Variants in SOX6 observed in about 807,000 individuals in gnomAD.
The protein encoded by SOX6 is transcription factor SOX-6.
A neutral mutation model predicts 97.8 loss-of-function variants in SOX6; 11 were observed. The observed-to-expected ratio is 0.11, with a 90% CI of 0.07 to 0.19. SOX6 has a LOEUF of 0.19. Among genes scored for constraint, SOX6 ranks in the 10% least tolerant of loss-of-function variants. SOX6 has a pLI of 1.00. For synonymous variants in SOX6, 360 were observed against 371.4 expected, an observed-to-expected ratio of 0.97 and a Z score of 0.35; for missense variants, 810 against 1,039.5, an observed-to-expected ratio of 0.78 and a Z score of 3.04.
chr11:16,044,720 GC>G (rs1338543227), intron 12 of SOX6, among the ~76,000 whole-genome samples: 2 of 152,122 alleles, frequency 1.3e-5, no homozygotes, highest in East Asian at 3.9e-4. Context: ...GTAACATTAT[GC>G]AGGAGAGAGA....
intron 3 of SOX6, among the ~76,000 whole-genome samples, chr11:16,295,341 A>G (rs1234930899): frequency 1.3e-5 from 2 of 152,110 alleles, no homozygotes; most frequent in African/African-American, 2.4e-5. Flanking sequence ...ACTAGGGTTC[A>G]ACAAATACTT....
chr11:16,258,149 CTT>C (rs34336325), intron 3 of SOX6, among the ~76,000 whole-genome samples: 118,576 of 151,682 alleles, frequency 0.78, 46,482 homozygotes, highest in Non-Finnish European at 0.8. Flanking sequence ...GTACAGGACA[CTT>C]TGGCAGTTTC....
At position 16,216,188 on chromosome 11, in the gene SOX6, AT is replaced by A. The variant is rs548909536; in HGVS notation, c.535+18393del. ...GTGATACAAAGTATTTGCCCAAAAAATGTTAGTCCTTGTTTTTGTCAGCGCT... is the reference window on the plus strand; with the variant it reads ...GTGATACAAAGTATTTGCCCAAAAAAGTTAGTCCTTGTTTTTGTCAGCGCT... On this transcript the variant is annotated intron_variant, in intron 4 of 15. Transcript: ENST00000683767. Among the ~76,000 whole-genome samples, 31 of 152,336 alleles carry A rather than the reference AT, an allele frequency of 2.0e-4. 2 individuals are homozygous for A. The South Asian group carries it at 3.7e-3, about 18-fold the overall frequency.
intron 4 of SOX6, among the ~76,000 whole-genome samples, chr11:16,547,835 C>A (rs1395780784): frequency 1.6e-4 from 25 of 152,142 alleles, no homozygotes; most frequent in Admixed American, 1.6e-3. Context: ...ATATCCTAAA[C>A]ACCCTAACTT....
intron 12 of SOX6, among the ~76,000 whole-genome samples, chr11:16,027,719 A>G (rs1313512050): frequency 6.6e-6 from 1 of 152,242 alleles, no homozygotes; most frequent in Non-Finnish European, 1.5e-5. Context: ...CAAGTCAGCA[A>G]CAATAATACA....
upstream of SOX6, among the ~76,000 whole-genome samples, chr11:16,479,448 T>G (rs1590218439): frequency 6.6e-6 from 1 of 151,694 alleles, no homozygotes; most frequent in Non-Finnish European, 1.5e-5. Flanking sequence ...GAGAATCACT[T>G]GAACCTGGGA....
At chr11:16,677,591 C>A (rs1488247428) in intron 3 of SOX6, among the ~76,000 whole-genome samples, 2 of 152,080 alleles carry the variant, frequency 1.3e-5, no homozygotes, top group African/African-American at 2.4e-5. Context: ...ATGAATTATT[C>A]TTTCTACATA....
At chr11:16,503,150 C>G (rs1295690232) in intron 4 of SOX6, among the ~76,000 whole-genome samples, 1 of 151,664 alleles carries the variant, frequency 6.6e-6, no homozygotes, top group East Asian at 1.9e-4. Context: ...AAAGTCTTTT[C>G]TAGATAAGCA....
rs576527382 is a variant in SOX6, at chr11:16,356,288, A to G, written c.-199T>C. Among the ~76,000 whole-genome samples the G allele has an allele frequency of 2.6e-5, 4 of 152,196 alleles. No individual in the cohort carries two copies. Among genetic ancestry groups the G allele is most frequent in the Admixed American group, 2.0e-4 (3 of 15,252 alleles). On this transcript the variant is annotated 5_prime_UTR_variant, in exon 1 of 16. An upstream start codon of the reference 5' UTR is lost. Transcript: ENST00000683767. Reference sequence around the variant, plus strand: ...AAGTCTCAGGCTACCAATTGTAGCCATAACTTTAAGCAACATCTAATTTGC... The same window carrying G: ...AAGTCTCAGGCTACCAATTGTAGCCGTAACTTTAAGCAACATCTAATTTGC...
At chr11:16,261,599 G>A (rs966626934) in intron 3 of SOX6, among the ~76,000 whole-genome samples, 1 of 151,672 alleles carries the variant, frequency 6.6e-6, no homozygotes, top group Admixed American at 6.6e-5. Context: ...CTGAAGTTTT[G>A]TGTAGTTTTT....
At chr11:16,170,394 T>C (rs1851005547) in intron 6 of SOX6, among the ~76,000 whole-genome samples, 1 of 152,076 alleles carries the variant, frequency 6.6e-6, no homozygotes, top group Admixed American at 6.6e-5. Flanking sequence ...ATCATTCATT[T>C]TTTTCAGAAT....
intron 3 of SOX6, among the ~76,000 whole-genome samples, chr11:16,308,567 A>C (rs1855506675): frequency 6.6e-6 from 1 of 152,184 alleles, no homozygotes. Context: ...GCTAATGTCG[A>C]CTGTTTGGCC....
intron 13 of SOX6, among the ~76,000 whole-genome samples, chr11:16,007,499 C>T (rs1388613547): frequency 6.6e-6 from 1 of 151,998 alleles, no homozygotes; most frequent in African/African-American, 2.4e-5. Context: ...GGTACTGACT[C>T]TTTGGAACAA....
intron 4 of SOX6, among the ~76,000 whole-genome samples, chr11:16,522,166 G>A (rs1861077599): frequency 6.6e-6 from 1 of 152,006 alleles, no homozygotes. Context: ...GCAACTCCAA[G>A]ACACATAATT....
intron 3 of SOX6, among the ~76,000 whole-genome samples, chr11:16,672,921 A>C (rs538532745): frequency 6.6e-6 from 1 of 152,188 alleles, no homozygotes; most frequent in South Asian, 2.1e-4. Flanking sequence ...AATATCAAAA[A>C]AGACAAAGAA....
chr11:16,602,921 T>C (rs988921848), intron 4 of SOX6, among the ~76,000 whole-genome samples: 3 of 151,968 alleles, frequency 2.0e-5, no homozygotes, highest in African/African-American at 7.3e-5. Flanking sequence ...CTCGGGAGAC[T>C]GAGGCGGAAG....
chr11:16,159,375 C>T (rs1850683260), intron 6 of SOX6, among the ~76,000 whole-genome samples: 1 of 152,016 alleles, frequency 6.6e-6, no homozygotes. Flanking sequence ...CCTTATTTCT[C>T]AACATTTTCA....
chr11:16,638,313 C>T (rs1166949667), intron 3 of SOX6, among the ~76,000 whole-genome samples: 1 of 152,058 alleles, frequency 6.6e-6, no homozygotes, highest in East Asian at 1.9e-4. Context: ...CATTGTTGGA[C>T]ATTTGGGTTG....
chr11:16,421,506 A>G (rs1859020990), intron 1 of SOX6, among the ~76,000 whole-genome samples: 1 of 152,136 alleles, frequency 6.6e-6, no homozygotes, highest in Non-Finnish European at 1.5e-5. Context: ...AACAAAGCCA[A>G]CTTCAGCATT....
Sources: allele counts gnomAD v4.1 joint callset (sites outside exome capture counted in the v4.1 genomes callset), GRCh38; gene constraint gnomAD v4.1.1; transcripts MANE v1.5; gene names NCBI Gene and HGNC (gene_info 2026-07-23, HGNC 2026-07-21).